The following PTPRD variants were observed in gnomAD, a reference collection of about 807,000 sequenced individuals.
PTPRD encodes receptor-type tyrosine-protein phosphatase delta.
Under a neutral mutation model 214.5 loss-of-function variants are expected in PTPRD, and 34 were observed. That is an observed-to-expected ratio of 0.16 (90% CI 0.12 to 0.21). PTPRD has a LOEUF of 0.21. PTPRD is among the 10% of genes least tolerant of loss of function. PTPRD has a pLI of 1.00. For missense variants in PTPRD, 2,545 were observed against 2,398.7 expected, an observed-to-expected ratio of 1.06 and a Z score of -1.27; for synonymous variants, 1,128 against 845.7, an observed-to-expected ratio of 1.33 and a Z score of -5.79.
intron 11 of PTPRD, among the ~76,000 whole-genome samples, chr9:8,883,645 A>AGG (rs1168048753): frequency 6.6e-6 from 1 of 152,186 alleles, no homozygotes; most frequent in Non-Finnish European, 1.5e-5. Context: ...CTGAGGTGAG[A>AGG]GGTCAGGAGT....
intron 11 of PTPRD, among the ~76,000 whole-genome samples, chr9:8,920,836 CAG>C (rs2098822549): frequency 6.6e-6 from 1 of 151,768 alleles, no homozygotes; most frequent in Admixed American, 6.6e-5. Context: ...TATTTTGAGA[CAG>C]AGTCTCCCTC....
intron 2 of PTPRD, among the ~76,000 whole-genome samples, chr9:10,482,005 G>A (rs2099100709): frequency 6.6e-6 from 1 of 151,862 alleles, no homozygotes; most frequent in African/African-American, 2.4e-5. Context: ...AATGAAAGAA[G>A]GCATGGAGTG....
chr9:10,164,363 C>A (rs576061316), intron 3 of PTPRD, among the ~76,000 whole-genome samples: 1 of 151,548 alleles, frequency 6.6e-6, no homozygotes, highest in East Asian at 1.9e-4. Context: ...CTGAATTGAA[C>A]TGTTTCTAGT....
At chr9:9,580,806 C>T (rs1336607317) in intron 7 of PTPRD, among the ~76,000 whole-genome samples, 3 of 152,018 alleles carry the variant, frequency 2.0e-5, no homozygotes. Context: ...ACCTCAGCCT[C>T]CCAAAGTGCT....
chr9:9,956,509 G>C (rs1206474158), intron 4 of PTPRD, among the ~76,000 whole-genome samples: 1 of 152,092 alleles, frequency 6.6e-6, no homozygotes, highest in Non-Finnish European at 1.5e-5. Flanking sequence ...TTCAAGTGGA[G>C]AGAAACCCAT....
chr9:9,185,327 T>G (rs2099930665), intron 9 of PTPRD, among the ~76,000 whole-genome samples: 1 of 152,022 alleles, frequency 6.6e-6, no homozygotes. Context: ...CTCCATGTAT[T>G]CATTACTGAC....
intron 14 of PTPRD, among the ~76,000 whole-genome samples, chr9:8,591,701 G>T (rs930773011): frequency 6.6e-6 from 1 of 152,122 alleles, no homozygotes; most frequent in Non-Finnish European, 1.5e-5. Context: ...TAATGAAAGA[G>T]TTGCCATTCC....
At chr9:10,349,614 A>C (rs1306173983) in intron 2 of PTPRD, among the ~76,000 whole-genome samples, 1 of 152,204 alleles carries the variant, frequency 6.6e-6, no homozygotes, top group East Asian at 1.9e-4. Flanking sequence ...ATTAATTTTG[A>C]CTGTGTGAAT....
At chr9:9,787,013 T>C (rs1188913640) in intron 5 of PTPRD, among the ~76,000 whole-genome samples, 3 of 151,966 alleles carry the variant, frequency 2.0e-5, no homozygotes, top group African/African-American at 7.3e-5. Flanking sequence ...GGTGTGCGCC[T>C]GAAGTCCCAA....
chr9:9,079,823 C>T (rs1317574598), intron 10 of PTPRD, among the ~76,000 whole-genome samples: 1 of 151,986 alleles, frequency 6.6e-6, no homozygotes, highest in Non-Finnish European at 1.5e-5. Flanking sequence ...GTGGTTATGA[C>T]AAAGGTAGAT....
At position 8,317,682 on chromosome 9, in the gene PTPRD, T is replaced by A. The variant is rs1390268279; in HGVS notation, c.*192A>T. ...GGATTCTCTTCATTATTTTTCAGGT[T>A]AGATTATTAAACTGTGAATTCTTGG... On this transcript the variant is annotated 3_prime_UTR_variant, in exon 46 of 46. Coordinates refer to ENST00000381196, the MANE Select transcript of PTPRD (RefSeq NM_002839.4). 1.1e-5 allele frequency: 5 copies of A among 467,690 alleles called. No individual in the cohort carries two copies. The highest frequency in any genetic ancestry group is 2.0e-5 in the Non-Finnish European group (5 of 253,718). The allele number at this position is 467,690 out of a possible 1,614,324, so 29.0% of individuals were successfully genotyped here. A position where few individuals can be genotyped will look rare whatever the true frequency, so the allele number is the denominator to read the frequency against.
At chr9:8,615,427 C>A (rs183846631) in intron 14 of PTPRD, among the ~76,000 whole-genome samples, 1 of 152,226 alleles carries the variant, frequency 6.6e-6, no homozygotes, top group Non-Finnish European at 1.5e-5. Flanking sequence ...GAAGAAAGAG[C>A]AGTCTAAATT....
intron 7 of PTPRD, among the ~76,000 whole-genome samples, chr9:9,684,678 A>T (rs1245954784): frequency 6.6e-6 from 1 of 150,666 alleles, no homozygotes; most frequent in Non-Finnish European, 1.5e-5. Context: ...TTTTATAAGC[A>T]TTGAAATACA....
At chr9:8,835,848 T>C (rs2097407782) in intron 11 of PTPRD, among the ~76,000 whole-genome samples, 1 of 152,176 alleles carries the variant, frequency 6.6e-6, no homozygotes, top group South Asian at 2.1e-4. Context: ...ATTTTATTCT[T>C]CATAATACTC....
intron 3 of PTPRD, among the ~76,000 whole-genome samples, chr9:10,098,262 G>A (rs1274535234): frequency 6.7e-6 from 1 of 148,692 alleles, no homozygotes; most frequent in South Asian, 2.2e-4. Flanking sequence ...CAAACACCGC[G>A]TGTTCTCACT....
chr9:10,278,162 C>CAAAAAAAAAA (rs1564968775), intron 3 of PTPRD, among the ~76,000 whole-genome samples: 13 of 146,154 alleles, frequency 8.9e-5, no homozygotes, highest in Admixed American at 2.8e-4. Context: ...TCTCAAAAAA[C>CAAAAAAAAAA]AAAACAAAAC....
intron 9 of PTPRD, among the ~76,000 whole-genome samples, chr9:9,210,518 T>G (rs1200361861): frequency 6.6e-6 from 1 of 152,224 alleles, no homozygotes; most frequent in African/African-American, 2.4e-5. Flanking sequence ...TTGAACTTTA[T>G]TATAAAGTTA....
chr9:9,981,639 C>G (rs1013405374), intron 4 of PTPRD, among the ~76,000 whole-genome samples: 1 of 152,036 alleles, frequency 6.6e-6, no homozygotes, highest in African/African-American at 2.4e-5. Context: ...GGATTACAGG[C>G]GTGAGCCACT....
intron 11 of PTPRD, among the ~76,000 whole-genome samples, chr9:8,776,428 A>G (rs985592195): frequency 6.6e-6 from 1 of 152,072 alleles, no homozygotes; most frequent in Non-Finnish European, 1.5e-5. Context: ...TAGCGTCCCA[A>G]GTAGCTGGGA....
Sources: gnomAD v4.1 joint callset for allele counts (sites outside exome capture counted in the v4.1 genomes callset) on GRCh38, gnomAD v4.1.1 for gene constraint, MANE v1.5 for transcripts, NCBI Gene and HGNC (gene_info 2026-07-23, HGNC 2026-07-21) for gene names.